Variants in OR6B3 observed in about 807,000 individuals in gnomAD.
OR6B3 encodes olfactory receptor family 6 subfamily B member 3.
For synonymous variants in OR6B3, 148 were observed against 187.8 expected (o/e 0.79, Z 1.73); for missense variants, 315 against 427.4 (o/e 0.74, Z 2.32).
chr2:240,047,885 G>A (rs777700160), upstream of OR6B3, among the ~76,000 whole-genome samples: 3 of 152,102 alleles, frequency 2.0e-5, no homozygotes, highest in Non-Finnish European at 4.4e-5. Flanking sequence ...TGAAAACAGA[G>A]GATGGATCAG....
chr2:240,047,174 A>G (rs1045964951), upstream of OR6B3: 2 of 152,248 alleles, frequency 1.3e-5, no homozygotes, highest in African/African-American at 4.8e-5. Context: ...TATTCAGAAA[A>G]AAGGCAGAGA....
At chr2:240,045,721 T>C in exon 2 of OR6B3, 5 of 1,370,130 alleles carry the variant, frequency 3.6e-6, no homozygotes, top group Non-Finnish European at 5.2e-6. Context: ...TCGTAGGCCA[T>C]GGAGGCCAGA....
intron 1 of OR6B3, among the ~76,000 whole-genome samples, 177 bp downstream of exon 2, chr2:240,046,775 T>C (rs1222971333): frequency 6.6e-6 from 1 of 152,102 alleles, no homozygotes; most frequent in Non-Finnish European, 1.5e-5. Flanking sequence ...GGAGGAAGTC[T>C]AGAACGTTCT....
chr2:240,050,653 G>A (rs1034088260), upstream of OR6B3, among the ~76,000 whole-genome samples: 6 of 150,960 alleles, frequency 4.0e-5, no homozygotes, highest in East Asian at 2.0e-4. Context: ...GACGGAGGTT[G>A]CAGTGGGCGG....
At chr2:240,053,228 G>A in the OR6B3 span, among the ~76,000 whole-genome samples, 5 of 152,276 alleles carry the variant, frequency 3.3e-5, 1 homozygote, top group Middle Eastern at 3.4e-3. The surrounding 1 kb of genome is among the most constrained non-coding windows in gnomAD (Gnocchi z 4.1). Flanking sequence ...TATCCTGCAC[G>A]TTTCAGAAGG....
intron 1 of OR6B3, 105 bp from the exon 3 acceptor site, chr2:240,046,202 G>A (rs1212790634): frequency 1.8e-5 from 13 of 734,394 alleles, no homozygotes; most frequent in Admixed American, 5.8e-5. Context: ...GAGAGGCCAC[G>A]TGGCTCCCCA....
upstream of OR6B3, chr2:240,047,089 A>C (rs1698202193): frequency 6.6e-6 from 1 of 152,228 alleles, no homozygotes; most frequent in African/African-American, 2.4e-5. Context: ...AAAGATGTGT[A>C]GATTCAGTTG....
chr2:240,047,973 A>C (rs1412215915), upstream of OR6B3, among the ~76,000 whole-genome samples: 1 of 152,208 alleles, frequency 6.6e-6, no homozygotes, highest in African/African-American at 2.4e-5. Context: ...AAAACCGAAA[A>C]TAAAGATGAA....
upstream of OR6B3, among the ~76,000 whole-genome samples, chr2:240,050,661 C>T (rs992654641): frequency 2.8e-5 from 4 of 142,120 alleles, no homozygotes; most frequent in Non-Finnish European, 4.5e-5. Context: ...TTGCAGTGGG[C>T]GGAGATGGCA....
exon 2 of OR6B3, chr2:240,046,008 C>T (rs996161446): frequency 1.2e-6 from 2 of 1,613,140 alleles, no homozygotes; most frequent in Non-Finnish European, 1.7e-6. Context: ...GTACTGCAGC[C>T]CTGGGGCCGT....
chr2:240,048,170 A>G (rs2106527697), upstream of OR6B3, among the ~76,000 whole-genome samples: 1 of 152,380 alleles, frequency 6.6e-6, no homozygotes, highest in South Asian at 2.1e-4. Context: ...TATTGTGCAT[A>G]GGAGTTACAT....
chr2:240,044,929 CAAGA>C (rs1698158350), downstream of OR6B3: 2 of 680,662 alleles, frequency 2.9e-6, no homozygotes, highest in African/African-American at 1.8e-5. Context: ...TCTACAAAAA[CAAGA>C]AAGTACTGGT....
At chr2:240,048,417 C>T (rs912533763), upstream of OR6B3, among the ~76,000 whole-genome samples, 2 of 152,096 alleles carry the variant, frequency 1.3e-5, no homozygotes, top group Non-Finnish European at 1.5e-5. Flanking sequence ...CACTGTCTCT[C>T]CTGGTTGCAC....
At chr2:240,048,050 A>C (rs1299707070), upstream of OR6B3, among the ~76,000 whole-genome samples, 1 of 152,238 alleles carries the variant, frequency 6.6e-6, no homozygotes, top group African/African-American at 2.4e-5. Context: ...AATATAAATA[A>C]GTAATATGAA....
At chr2:240,045,136 C>G (rs766038879) in exon 2 of OR6B3, 3 of 1,613,894 alleles carry the variant, frequency 1.9e-6, no homozygotes, top group Non-Finnish European at 2.5e-6. Context: ...AGCCTCCCCT[C>G]TACGGCGCAG....
upstream of OR6B3, among the ~76,000 whole-genome samples, chr2:240,050,480 C>T (rs564315499): frequency 4.6e-3 from 704 of 152,178 alleles, 5 homozygotes; most frequent in African/African-American, 0.016. Flanking sequence ...TTTGGGAGGC[C>T]GAGGCGGGCA....
intron 1 of OR6B3, among the ~76,000 whole-genome samples, 176 bp from the exon 3 acceptor site, chr2:240,046,273 G>A (rs965145399): frequency 3.3e-5 from 5 of 152,100 alleles, no homozygotes; most frequent in African/African-American, 1.2e-4. Flanking sequence ...ACTAACCTCT[G>A]ATGATATAGA....
upstream of OR6B3, among the ~76,000 whole-genome samples, chr2:240,047,711 AT>A (rs143524253): frequency 0.088 from 13,384 of 152,274 alleles, 1,010 homozygotes; most frequent in African/African-American, 0.21. Context: ...TGGATTAAAA[AT>A]TCAATAAGTC....
At chr2:240,047,866 C>T (rs929080823), upstream of OR6B3, among the ~76,000 whole-genome samples, 1 of 151,736 alleles carries the variant, frequency 6.6e-6, no homozygotes, top group Admixed American at 6.6e-5. Flanking sequence ...GCACAGATAT[C>T]AAAATTAATG....
Sources: allele counts gnomAD v4.1 joint callset (sites outside exome capture counted in the v4.1 genomes callset), GRCh38; gene constraint gnomAD v4.1.1; non-coding constraint Gnocchi (gnomAD v3.1); transcripts MANE v1.5; gene names NCBI Gene and HGNC (gene_info 2026-07-23, HGNC 2026-07-21).